KHNYN: variants seen among roughly 807,000 people sequenced by gnomAD.
The protein encoded by KHNYN is protein KHNYN.
In KHNYN, 42 loss-of-function variants were observed where a neutral mutation model predicts 62.7. That is an observed-to-expected ratio of 0.67 (90% confidence interval 0.52 to 0.87). KHNYN has a LOEUF of 0.87. Among genes scored for constraint, KHNYN ranks in the 40% least tolerant of loss-of-function variants. The pLI, the probability that KHNYN is intolerant of heterozygous loss-of-function variation, is 0.00. For synonymous variants in KHNYN, 347 were observed against 345.6 expected, an observed-to-expected ratio of 1.00 and a Z score of -0.04; for missense variants, 829 against 874.1, an observed-to-expected ratio of 0.95 and a Z score of 0.65.
At chr14:24,435,691 A>T in intron 5 of KHNYN, 1 of 251,782 alleles carries the variant, frequency 4.0e-6, no homozygotes, top group Non-Finnish European at 7.7e-6. Context: ...TGGGTGAAGG[A>T]CTATGGTTGG....
upstream of KHNYN, chr14:24,429,697 T>C: frequency 1.0e-6 from 1 of 985,470 alleles, no homozygotes; most frequent in African/African-American, 1.7e-5. Flanking sequence ...CACATCTTTA[T>C]TCGCGGGAAA....
rs750392087 is a variant in KHNYN, at chr14:24,436,179, G to A, written c.1685G>A (p.Arg562His). 5.6e-6 allele frequency: 9 copies of A among 1,611,466 alleles called. No homozygotes were observed. Among genetic ancestry groups the A allele is most frequent in the Non-Finnish European group, 6.8e-6 (8 of 1,177,818 alleles). Reference protein sequence around the residue: ...SEKWMAIIRERLLPFTFVGNL... With the variant: ...SEKWMAIIREHLLPFTFVGNL... ...AAGTGGATGGCAATCATCAGAGAACGGTGAGGGAGCCCTCCCGCTGAGAAC... is the reference window on the plus strand; with the variant it reads ...AAGTGGATGGCAATCATCAGAGAACAGTGAGGGAGCCCTCCCGCTGAGAAC... The change falls in exon 6 of 8, where the codon CGC becomes CAC. Residue 562 changes from arginine (R) to histidine (H), a missense_variant and splice_region_variant. Around this residue, in one of 2 missense-constraint regions of KHNYN, gnomAD observed 270 missense variants for 347.1 expected, o/e 0.78. Transcript: ENST00000553935.
rs2043238356 is a variant in KHNYN at position 24,438,219 on chromosome 14, T to G, written c.*934T>G. On this transcript the variant is annotated 3_prime_UTR_variant, in exon 8 of 8. Transcript: ENST00000553935. The stretch of plus-strand genomic sequence containing the variant: ...GCAGCTCTCCTGTTGTATTCAGGTG[T>G]TGTTTACAGACTAACAAATGTGTTG... 6.6e-6 allele frequency: 1 copy of G among 152,660 alleles called. No individual in the cohort carries two copies. The highest frequency in any genetic ancestry group is 1.5e-5 in the Non-Finnish European group (1 of 68,046). 9.5% of individuals were successfully genotyped at this position (152,660 alleles called of 1,614,324 possible).
chr14:24,425,206 A>C (rs1351630723), upstream of KHNYN, among the ~76,000 whole-genome samples: 2 of 152,118 alleles, frequency 1.3e-5, no homozygotes, highest in Non-Finnish European at 2.9e-5. Flanking sequence ...GCCTCAAAAA[A>C]CAACAATAAA....
At chr14:24,423,331 G>A in the KHNYN span, among the ~76,000 whole-genome samples, 1 of 152,172 alleles carries the variant, frequency 6.6e-6, no homozygotes, top group Admixed American at 6.5e-5. Context: ...CTGAAGGGAA[G>A]GAGTGAGTAG....
At chr14:24,436,208 G>A in intron 6 of KHNYN, 29 bp downstream of exon 6, 1 of 1,571,080 alleles carries the variant, frequency 6.4e-7, no homozygotes, top group Non-Finnish European at 8.8e-7. Context: ...TGAGAACTGG[G>A]CACAGATGCA....
intron 7 of KHNYN, 116 bp downstream of exon 7, chr14:24,436,605 G>A: frequency 1.4e-6 from 1 of 727,700 alleles, no homozygotes; most frequent in East Asian, 2.8e-5. Flanking sequence ...TTTTGCAGTG[G>A]TTTGAGTTGC....
Position 24,437,315 on chromosome 14 carries a change from GTCAGC to G in KHNYN, c.*33_*37del. The G allele has an allele frequency of 6.3e-7, 1 of 1,591,524 alleles. No homozygotes were observed. The highest frequency in any genetic ancestry group is 8.6e-7 in the Non-Finnish European group (1 of 1,165,956). ...CACCTGCTTGAGTGGCTGCCGCCCT[GTCAGC>G]TCCAGCCGCCTCCAGCTCAGCCCTT... is the stretch of plus-strand genomic sequence containing the variant. On this transcript the variant is annotated 3_prime_UTR_variant, in exon 8 of 8. Transcript: ENST00000553935. The surrounding 1 kb of genome is among the most constrained non-coding windows in gnomAD (Gnocchi z 5.5).
Position 24,440,444 on chromosome 14 carries a change from GGCAGCAGCA to G in KHNYN, c.*3160_*3168del. ...GGGGCCCCCCAGGCCCAGGCGAAAGGGCAGCAGCATGTGGCCCATGGCACCACCCCCACG... is the reference window on the plus strand; with the variant it reads ...GGGGCCCCCCAGGCCCAGGCGAAAGGTGTGGCCCATGGCACCACCCCCACG... On this transcript the variant is annotated 3_prime_UTR_variant, in exon 8 of 8. Transcript: ENST00000553935. The G allele has an allele frequency of 1.2e-6, 2 of 1,611,754 alleles. No individual in the cohort carries two copies.
rs750562023 is a variant in KHNYN, at chr14:24,431,900, C to T, written c.639C>T (p.Ser213=). 6.2e-7 allele frequency: 1 copy of T among 1,614,056 alleles called. No homozygotes were observed. The highest frequency in any genetic ancestry group is 8.5e-7 in the Non-Finnish European group (1 of 1,180,022). Residue 213 remains serine (S), a synonymous_variant, in exon 3 of 8, where the codon AGC becomes AGT. Transcript: ENST00000553935. ...CACTGGCTTCTTGGGAGGGGCGGAG[C>T]TCAGCCTTGCTGGGTGCTCAGTGCC... ...PGALASWEGR[S]SALLGAQCQG... is the part of the protein sequence containing the mutation.
At position 24,440,742 on chromosome 14, in the gene KHNYN, A is replaced by G; in HGVS notation, c.*3457A>G. 2 of 1,603,990 alleles carry G rather than the reference A, an allele frequency of 1.2e-6. No individual in the cohort carries two copies. Among genetic ancestry groups the G allele is most frequent in the Non-Finnish European group, 1.7e-6 (2 of 1,173,778 alleles). ...TCCCATCACTTCCCCAGCCCAGAGA[A>G]GACATTCCAACCCTGTCTGATACCC... On this transcript the variant is annotated 3_prime_UTR_variant, in exon 8 of 8. Coordinates refer to ENST00000553935, the MANE Select transcript of KHNYN (RefSeq NM_015299.3).
At chr14:24,431,054 T>C in intron 2 of KHNYN, 123 bp downstream of exon 2, 1 of 899,272 alleles carries the variant, frequency 1.1e-6, no homozygotes. Flanking sequence ...ACTTCTTGGT[T>C]GTCTCACTGG....
At chr14:24,429,490 T>C (rs2273630), upstream of KHNYN, 323,110 of 462,798 alleles carry the variant, frequency 0.7, 114,773 homozygotes, top group Admixed American at 0.77. Flanking sequence ...CCTCCTACTC[T>C]TCCTCTCTTC....
upstream of KHNYN, chr14:24,429,085 C>G (rs1365590019): frequency 6.8e-7 from 1 of 1,464,738 alleles, no homozygotes; most frequent in African/African-American, 1.4e-5. Context: ...CACAAGTGCC[C>G]CGGTCTTCTG....
At position 24,432,110 on chromosome 14, in the gene KHNYN, A is replaced by G. The variant is rs779887226; in HGVS notation, c.849A>G (p.Arg283=). 1.3e-6 allele frequency: 2 copies of G among 1,553,564 alleles called. No homozygotes were observed. The highest frequency in any genetic ancestry group is 2.7e-5 in the African/African-American group (2 of 73,298). Residue 283 remains arginine (R), a synonymous_variant, in exon 3 of 8, where the codon AGA becomes AGG. Coordinates refer to ENST00000553935, the MANE Select transcript of KHNYN (RefSeq NM_015299.3). This position sits in a 1 kb window ranked among gnomAD's most constrained non-coding sequence, Gnocchi z 5.6. ...TGCCTGGGGAAGAGGCGTGGGAGAGAGAAGTGGCCCTCAGGCCACAGTCAG... is the reference window on the plus strand; with the variant it reads ...TGCCTGGGGAAGAGGCGTGGGAGAGGGAAGTGGCCCTCAGGCCACAGTCAG... ...KELPGEEAWE[R]EVALRPQSVG... is the part of the protein sequence containing the mutation.
intron 1 of KHNYN, chr14:24,430,374 T>C (rs1210797560): frequency 8.2e-6 from 8 of 979,052 alleles, no homozygotes; most frequent in Non-Finnish European, 1.0e-5. Context: ...TGCTGAGGAT[T>C]CGTCCTTAAG....
rs1372913991 is a variant in KHNYN, at chr14:24,432,017, T to A, written c.756T>A (p.Thr252=). 1.2e-6 allele frequency: 2 copies of A among 1,608,328 alleles called. No homozygotes were observed. Among genetic ancestry groups the A allele is most frequent in the Non-Finnish European group, 1.7e-6 (2 of 1,176,112 alleles). Reference sequence around the variant, plus strand: ...ATTGCAGGGGAGCAAGGGGAGACACTTACGCTGTGGAGAAGGAGGGAGGGA... The same window carrying A: ...ATTGCAGGGGAGCAAGGGGAGACACATACGCTGTGGAGAAGGAGGGAGGGA... ...PGDCRGARGD[T]YAVEKEGGKQ... Residue 252 remains threonine (T), a synonymous_variant, in exon 3 of 8, where the codon ACT becomes ACA. Coordinates refer to ENST00000553935, the MANE Select transcript of KHNYN (RefSeq NM_015299.3). The surrounding 1 kb of genome is among the most constrained non-coding windows in gnomAD (Gnocchi z 5.6).
At position 24,441,466 on chromosome 14, in the gene KHNYN, T is replaced by G; in HGVS notation, c.*4181T>G. 1.9e-6 allele frequency: 1 copy of G among 535,840 alleles called. No individual in the cohort carries two copies. The highest frequency in any genetic ancestry group is 3.2e-5 in the East Asian group (1 of 31,042). The allele number at this position is 535,840 out of a possible 1,614,324, so 33.2% of individuals were successfully genotyped here. On this transcript the variant is annotated 3_prime_UTR_variant, in exon 8 of 8. Coordinates refer to ENST00000553935, the MANE Select transcript of KHNYN (RefSeq NM_015299.3). ...GGGATAGGTGGACTTTTCCCTGGCA[T>G]TGAGTGATGCCACTCCCCACTGTTT...
At chr14:24,436,340 G>A (rs2043203951) in intron 6 of KHNYN, 48 bp from the exon 7 acceptor site, 3 of 1,540,258 alleles carry the variant, frequency 1.9e-6, no homozygotes, top group Non-Finnish European at 2.7e-6. Context: ...TGTCTGGGAG[G>A]TGGGCAAGGG....
Sources: gnomAD v4.1 joint callset for allele counts (sites outside exome capture counted in the v4.1 genomes callset) on GRCh38, gnomAD v4.1.1 for gene constraint, gnomAD v4.1.1 regional missense constraint, Gnocchi (gnomAD v3.1) non-coding constraint, MANE v1.5 for transcripts, NCBI Gene and HGNC (gene_info 2026-07-23, HGNC 2026-07-21) for gene names.